Variants in MAF observed in about 807,000 individuals in gnomAD.
The protein encoded by MAF is MAF bZIP transcription factor, also known as transcription factor Maf.
A neutral mutation model predicts 22.0 loss-of-function variants in MAF; 10 were observed. The ratio of observed to expected loss-of-function variants is 0.45; its 90% CI spans 0.28 to 0.77. MAF has a LOEUF of 0.77. MAF is among the 30% of genes least tolerant of loss of function. The pLI is 0.12. For missense variants in MAF, 544 were observed against 548.4 expected (o/e 0.99, Z 0.08); for synonymous variants, 337 against 255.8 (o/e 1.32, Z -3.03).
the MAF span, among the ~76,000 whole-genome samples, chr16:79,484,723 T>C: frequency 1.3e-5 from 2 of 152,136 alleles, no homozygotes; most frequent in African/African-American, 4.8e-5. Context: ...ACTGGCCTGC[T>C]GGTGATGATA....
At chr16:79,211,555 C>T in the MAF span, 1 of 1,612,054 alleles carries the variant, frequency 6.2e-7, no homozygotes, top group Non-Finnish European at 8.5e-7. Flanking sequence ...ATGACGCCAT[C>T]TCATCACTCC....
the MAF span, among the ~76,000 whole-genome samples, chr16:79,537,437 C>G: frequency 6.8e-6 from 1 of 147,178 alleles, no homozygotes; most frequent in South Asian, 2.2e-4. Flanking sequence ...TATTGCAATG[C>G]CCATTTTACA....
chr16:79,575,590 G>C, the MAF span, among the ~76,000 whole-genome samples: 5 of 152,192 alleles, frequency 3.3e-5, no homozygotes, highest in East Asian at 3.9e-4. Flanking sequence ...GTGGGACCCA[G>C]GGGTGATGGT....
At chr16:79,504,688 C>T in the MAF span, among the ~76,000 whole-genome samples, 28 of 152,036 alleles carry the variant, frequency 1.8e-4, no homozygotes, top group South Asian at 2.1e-4. Context: ...GGATGGATGA[C>T]GGATAGATGG....
At chr16:79,554,608 G>A in the MAF span, among the ~76,000 whole-genome samples, 4 of 152,276 alleles carry the variant, frequency 2.6e-5, no homozygotes, top group South Asian at 6.2e-4. Flanking sequence ...TGTCTCTACT[G>A]ATGCGGCCCA....
chr16:79,260,432 G>A, the MAF span, among the ~76,000 whole-genome samples: 1 of 147,336 alleles, frequency 6.8e-6, no homozygotes. Context: ...AATCACAGAT[G>A]TGAGCCACCA....
At chr16:79,422,797 A>G in the MAF span, among the ~76,000 whole-genome samples, 1 of 152,164 alleles carries the variant, frequency 6.6e-6, no homozygotes, top group Non-Finnish European at 1.5e-5. Flanking sequence ...AGTTTTTGCT[A>G]TTAAAAATAA....
At chr16:79,277,323 C>G in the MAF span, among the ~76,000 whole-genome samples, 1 of 152,146 alleles carries the variant, frequency 6.6e-6, no homozygotes, top group South Asian at 2.1e-4. Flanking sequence ...TTGGGGGGTG[C>G]CCATTCCACC....
At chr16:79,488,663 A>G in the MAF span, among the ~76,000 whole-genome samples, 2 of 152,112 alleles carry the variant, frequency 1.3e-5, no homozygotes, top group African/African-American at 4.8e-5. Context: ...TCAGTCTTCA[A>G]GTTAGGCAGC....
chr16:79,401,934 T>C, the MAF span, among the ~76,000 whole-genome samples: 1 of 152,154 alleles, frequency 6.6e-6, no homozygotes. Flanking sequence ...ATTTAATCTT[T>C]ACAAAACCCT....
the MAF span, among the ~76,000 whole-genome samples, chr16:79,520,945 A>G: frequency 8.5e-5 from 13 of 152,306 alleles, no homozygotes; most frequent in South Asian, 2.5e-3. Context: ...TACCATCACC[A>G]TATTTTAGAT....
chr16:79,276,184 C>T, the MAF span, among the ~76,000 whole-genome samples: 1 of 152,030 alleles, frequency 6.6e-6, no homozygotes, highest in Non-Finnish European at 1.5e-5. Flanking sequence ...GAAAAGAAAA[C>T]AGGCCACAGA....
chr16:79,575,951 G>C, the MAF span, among the ~76,000 whole-genome samples: 2 of 152,038 alleles, frequency 1.3e-5, no homozygotes, highest in South Asian at 2.1e-4. Flanking sequence ...CAAGAACAGA[G>C]AGTCCTAAAC....
chr16:79,350,034 C>T, the MAF span, among the ~76,000 whole-genome samples: 8 of 152,352 alleles, frequency 5.3e-5, no homozygotes, highest in East Asian at 1.5e-3. Flanking sequence ...CTCCCCAGGA[C>T]TGCCCCAGCC....
chr16:79,215,037 A>T, the MAF span, among the ~76,000 whole-genome samples: 3 of 152,086 alleles, frequency 2.0e-5, no homozygotes, highest in Non-Finnish European at 4.4e-5. Context: ...ATATGACTAC[A>T]GTCTTGCCAG....
chr16:79,268,362 T>G, the MAF span, among the ~76,000 whole-genome samples: 11 of 152,186 alleles, frequency 7.2e-5, no homozygotes, highest in African/African-American at 2.2e-4. Context: ...CTGCAGGATT[T>G]TGAGCAAGTC....
At chr16:79,417,980 G>T in the MAF span, among the ~76,000 whole-genome samples, 3 of 152,142 alleles carry the variant, frequency 2.0e-5, no homozygotes, top group Non-Finnish European at 4.4e-5. Flanking sequence ...ATGTGTGAGT[G>T]TTTTCCTCCT....
At chr16:79,360,461 T>G in the MAF span, among the ~76,000 whole-genome samples, 1 of 152,214 alleles carries the variant, frequency 6.6e-6, no homozygotes, top group African/African-American at 2.4e-5. Flanking sequence ...TGTGTGCCAG[T>G]GCCGTCTCTG....
the MAF span, among the ~76,000 whole-genome samples, chr16:79,501,417 C>T: frequency 6.6e-5 from 10 of 152,138 alleles, no homozygotes; most frequent in African/African-American, 2.4e-4. Flanking sequence ...TCTGGGTGGA[C>T]ATAAACTCTG....
Sources: gnomAD v4.1 joint callset for allele counts (sites outside exome capture counted in the v4.1 genomes callset) on GRCh38, gnomAD v4.1.1 for gene constraint, MANE v1.5 for transcripts, NCBI Gene and HGNC (gene_info 2026-07-23, HGNC 2026-07-21) for gene names.